The following LGSN variants were observed in gnomAD, a reference collection of about 807,000 sequenced individuals.
The protein encoded by LGSN is lengsin.
LGSN carries 21 observed loss-of-function variants against 19.5 expected under a neutral mutation model. The ratio of observed to expected loss-of-function variants is 1.07; its 90% CI spans 0.76 to 1.55. The LOEUF is 1.55. Ranked by LOEUF, LGSN falls within the 40% of genes most tolerant of loss-of-function variation. The pLI is 0.00. For missense variants in LGSN, 673 were observed against 608.5 expected (o/e 1.11, Z -1.12); for synonymous variants, 257 against 215.6 (o/e 1.19, Z -1.68).
chr6:63,402,580 C>T, the LGSN span, among the ~76,000 whole-genome samples: 1 of 152,160 alleles, frequency 6.6e-6, no homozygotes, highest in East Asian at 1.9e-4. Flanking sequence ...GGAGTAGATC[C>T]TGCCTGGTGA....
the LGSN span, among the ~76,000 whole-genome samples, chr6:63,365,962 A>T: frequency 2.4e-4 from 36 of 152,326 alleles, no homozygotes; most frequent in African/African-American, 7.7e-4. Flanking sequence ...GCTATTTATG[A>T]CAAACCCACA....
At chr6:63,314,298 G>C (rs908897808) in intron 1 of LGSN, among the ~76,000 whole-genome samples, 1 of 152,116 alleles carries the variant, frequency 6.6e-6, no homozygotes, top group African/African-American at 2.4e-5. Flanking sequence ...CACCATATAG[G>C]ATACAAGAAT....
the LGSN span, among the ~76,000 whole-genome samples, chr6:63,541,021 T>TGAAGAAAG: frequency 7.0e-6 from 1 of 142,742 alleles, no homozygotes; most frequent in South Asian, 2.2e-4. Context: ...AAGGAGGGAA[T>TGAAGAAAG]GAAGAAAGGA....
At chr6:63,306,108 A>T (rs1388013630) in intron 1 of LGSN, among the ~76,000 whole-genome samples, 4 of 152,164 alleles carry the variant, frequency 2.6e-5, no homozygotes, top group African/African-American at 9.7e-5. Context: ...ACCTATAAAA[A>T]TATTAACATT....
chr6:63,279,896 A>AT lies in LGSN; in HGVS notation c.*124_*125insA. 1.1e-6 allele frequency: 1 copy of AT among 903,318 alleles called. No individual in the cohort carries two copies. Among genetic ancestry groups the AT allele is most frequent in the South Asian group, 1.7e-5 (1 of 57,664 alleles). The allele number at this position is 903,318 out of a possible 1,614,324, so 56.0% of individuals were successfully genotyped here. A position where few individuals can be genotyped will look rare whatever the true frequency, so the allele number is the denominator to read the frequency against. On this transcript the variant is annotated 3_prime_UTR_variant, in exon 4 of 4. Coordinates refer to ENST00000370657, the MANE Select transcript of LGSN (RefSeq NM_016571.3). Reference sequence around the variant, plus strand: ...CAAATATTCCATGGACAAAAAAAAAAGTCAAAAGCATTCGTAATCTTGTTA... The same window carrying AT: ...CAAATATTCCATGGACAAAAAAAAAATGTCAAAAGCATTCGTAATCTTGTTA...
At chr6:63,324,786 T>C (rs569717859), upstream of LGSN, among the ~76,000 whole-genome samples, 1,379 of 151,348 alleles carry the variant, frequency 9.1e-3, 9 homozygotes, top group Non-Finnish European at 0.015. Context: ...AAGAGGGAAG[T>C]TGATAGCAAT....
rs1767157675 is a variant in LGSN, at chr6:63,278,251, T to C, written c.*1770A>G. Reference sequence around the variant, plus strand: ...GCTTTCAAAGAACATATTGAGGTTTTATTACTGAGAACAGAGGGGAAAATG... The same window carrying C: ...GCTTTCAAAGAACATATTGAGGTTTCATTACTGAGAACAGAGGGGAAAATG... On this transcript the variant is annotated 3_prime_UTR_variant, in exon 4 of 4. Coordinates refer to ENST00000370657, the MANE Select transcript of LGSN (RefSeq NM_016571.3). 1 of 152,084 alleles carries C rather than the reference T, an allele frequency of 6.6e-6. No homozygotes were observed. Among genetic ancestry groups the C allele is most frequent in the Non-Finnish European group, 1.5e-5 (1 of 68,016 alleles). 9.4% of individuals were successfully genotyped at this position (152,084 alleles called of 1,614,324 possible).
the LGSN span, among the ~76,000 whole-genome samples, chr6:63,501,200 C>T: frequency 1.3e-5 from 2 of 152,062 alleles, no homozygotes; most frequent in East Asian, 3.9e-4. Flanking sequence ...GGTGAAACCC[C>T]GTCTCTATTA....
the LGSN span, among the ~76,000 whole-genome samples, chr6:63,344,774 G>A: frequency 6.6e-6 from 1 of 152,000 alleles, no homozygotes; most frequent in African/African-American, 2.4e-5. Context: ...CCTGTTATTA[G>A]CCCAAAGGAA....
At chr6:63,523,932 C>CT in the LGSN span, among the ~76,000 whole-genome samples, 1 of 151,838 alleles carries the variant, frequency 6.6e-6, no homozygotes, top group East Asian at 1.9e-4. Context: ...TAAGGTATGA[C>CT]TATATAAACA....
intron 1 of LGSN, among the ~76,000 whole-genome samples, chr6:63,315,618 C>CTGTGTGTG (rs10601946): frequency 7.2e-5 from 10 of 138,162 alleles, no homozygotes; most frequent in African/African-American, 2.1e-4. Flanking sequence ...CTCTCTCTCT[C>CTGTGTGTG]TGTGTGTGTG....
the LGSN span, among the ~76,000 whole-genome samples, chr6:63,476,224 G>A: frequency 2.0e-5 from 3 of 152,048 alleles, no homozygotes; most frequent in African/African-American, 4.8e-5. Context: ...TACATGACTT[G>A]TTTATTGCAA....
the LGSN span, among the ~76,000 whole-genome samples, chr6:63,525,494 C>T: frequency 7.5e-4 from 115 of 152,328 alleles, no homozygotes; most frequent in African/African-American, 2.6e-3. Flanking sequence ...CAGTTGGTTC[C>T]AGTTTCCACT....
intron 1 of LGSN, among the ~76,000 whole-genome samples, chr6:63,297,306 G>C (rs1483246869): frequency 6.9e-6 from 1 of 145,760 alleles, no homozygotes; most frequent in East Asian, 2.1e-4. Flanking sequence ...TGGCACCATT[G>C]CATTCTAGCC....
At chr6:63,502,928 C>A in the LGSN span, among the ~76,000 whole-genome samples, 1 of 152,292 alleles carries the variant, frequency 6.6e-6, no homozygotes, top group Admixed American at 6.5e-5. Context: ...ATGCTCTATG[C>A]TCATCAGTAA....
At chr6:63,403,475 C>T in the LGSN span, among the ~76,000 whole-genome samples, 1 of 151,942 alleles carries the variant, frequency 6.6e-6, no homozygotes. Context: ...TTAGCTTGGA[C>T]CTTGAGAAAT....
the LGSN span, among the ~76,000 whole-genome samples, chr6:63,437,022 G>A: frequency 1.4e-5 from 2 of 142,934 alleles, no homozygotes; most frequent in Non-Finnish European, 3.0e-5. Context: ...GGGCAACAGA[G>A]CAAGGCTCTG....
chr6:63,550,165 A>C, the LGSN span: 8 of 152,202 alleles, frequency 5.3e-5, no homozygotes, highest in African/African-American at 1.9e-4. Flanking sequence ...AAACTAGATA[A>C]TCCTCAGTGA....
the LGSN span, among the ~76,000 whole-genome samples, chr6:63,370,250 G>A: frequency 2.0e-5 from 3 of 152,218 alleles, no homozygotes; most frequent in Non-Finnish European, 2.9e-5. Flanking sequence ...CTGACAAGAT[G>A]TGCTGGCATG....
Sources: gnomAD v4.1 joint callset for allele counts (sites outside exome capture counted in the v4.1 genomes callset) on GRCh38, gnomAD v4.1.1 for gene constraint, MANE v1.5 for transcripts, NCBI Gene and HGNC (gene_info 2026-07-23, HGNC 2026-07-21) for gene names.